The following ZNF469 variants were observed in gnomAD, a reference collection of about 807,000 sequenced individuals.
The protein encoded by ZNF469 is zinc finger protein 469.
ZNF469 carries 1 observed loss-of-function variant against 1.0 expected under a neutral mutation model. The observed-to-expected ratio is 1.00, with a 90% confidence interval of 0.35 to 4.73. The LOEUF is 4.73. ZNF469 is among the 30% of genes most tolerant of loss of function. ZNF469 has a pLI of 0.16. For synonymous variants in ZNF469, 2,703 were observed against 2,363.4 expected (o/e 1.14, Z -4.17); for missense variants, 6,100 against 5,356.3 (o/e 1.14, Z -4.33).
chr16:88,271,429 G>A, the ZNF469 span, among the ~76,000 whole-genome samples: 1 of 136,200 alleles, frequency 7.3e-6, no homozygotes, highest in South Asian at 2.3e-4. Context: ...GGCATGAAGT[G>A]TGGGGAGCCG....
the ZNF469 span, among the ~76,000 whole-genome samples, chr16:88,193,207 GGGA>G: frequency 1.6e-5 from 1 of 61,728 alleles, no homozygotes; most frequent in Admixed American, 1.5e-4. Context: ...GATGGTGGTG[GGGA>G]TGGTGGTGAT....
the ZNF469 span, among the ~76,000 whole-genome samples, chr16:88,295,809 C>A: frequency 2.0e-5 from 3 of 152,168 alleles, no homozygotes; most frequent in Non-Finnish European, 4.4e-5. Context: ...TGAAGATGTG[C>A]TGGGAACACC....
At chr16:88,222,108 G>A in the ZNF469 span, among the ~76,000 whole-genome samples, 17 of 151,968 alleles carry the variant, frequency 1.1e-4, no homozygotes, top group African/African-American at 3.6e-4. Flanking sequence ...TTTCATCTTT[G>A]CCCTAGGCAC....
the ZNF469 span, among the ~76,000 whole-genome samples, chr16:88,149,508 T>C: frequency 2.0e-5 from 3 of 152,146 alleles, no homozygotes; most frequent in Non-Finnish European, 4.4e-5. Context: ...AACAACCCTT[T>C]CTGCTTCTCC....
the ZNF469 span, among the ~76,000 whole-genome samples, chr16:88,200,589 A>C: frequency 2.0e-5 from 3 of 152,240 alleles, no homozygotes; most frequent in Non-Finnish European, 4.4e-5. Flanking sequence ...GCTCCGCCTA[A>C]GCTGCTGCTT....
intron 1 of ZNF469, among the ~76,000 whole-genome samples, chr16:88,405,730 C>T (rs1202466290): frequency 2.0e-5 from 3 of 152,180 alleles, no homozygotes; most frequent in Non-Finnish European, 2.9e-5. Context: ...GCTCCCGGCA[C>T]TCCAAGCCGC....
chr16:88,246,838 G>GA, the ZNF469 span, among the ~76,000 whole-genome samples: 1 of 151,498 alleles, frequency 6.6e-6, no homozygotes, highest in African/African-American at 2.4e-5. Context: ...GTGAGTGAAT[G>GA]GTGAATGAGT....
the ZNF469 span, among the ~76,000 whole-genome samples, chr16:88,176,765 C>G: frequency 2.0e-5 from 3 of 152,220 alleles, no homozygotes; most frequent in Non-Finnish European, 4.4e-5. Context: ...CCACAACCCC[C>G]AACGCCCAGC....
chr16:88,184,787 C>T, the ZNF469 span, among the ~76,000 whole-genome samples: 1 of 152,240 alleles, frequency 6.6e-6, no homozygotes, highest in Non-Finnish European at 1.5e-5. Flanking sequence ...TTCCCTCAAC[C>T]TCGTCACGCT....
chr16:88,234,133 G>A, the ZNF469 span, among the ~76,000 whole-genome samples: 5 of 152,326 alleles, frequency 3.3e-5, no homozygotes, highest in South Asian at 4.1e-4. Context: ...TACAAAAGCC[G>A]CTGGGTCTCA....
chr16:88,284,610 C>CAAA, the ZNF469 span, among the ~76,000 whole-genome samples: 34 of 109,198 alleles, frequency 3.1e-4, no homozygotes, highest in South Asian at 1.8e-3. Context: ...GATCCCATCT[C>CAAA]AAAAAAAAAA....
At chr16:88,411,927 A>G (rs1905178370) in intron 1 of ZNF469, among the ~76,000 whole-genome samples, 1 of 1,318 alleles carries the variant, frequency 7.6e-4, no homozygotes, top group South Asian at 0.045. Context: ...CCTTCCCAGA[A>G]GAGACGAAAC....
Position 88,429,995 on chromosome 16 carries a change from G to A in ZNF469, c.2525G>A (p.Ser842Asn). The change falls in exon 3 of 3, where the codon AGC becomes AAC. Residue 842 changes from serine to asparagine, a missense_variant. Coordinates refer to ENST00000565624, the MANE Select transcript of ZNF469 (RefSeq NM_001367624.2). ...LDMEDDAKLD[S>N]LITEALNGME... The stretch of plus-strand genomic sequence containing the variant: ...ATGGAGGATGACGCCAAGCTGGACA[G>A]CCTCATCACAGAGGCGCTCAACGGC... The A allele has an allele frequency of 1.3e-6, 2 of 1,550,372 alleles. No individual in the cohort carries two copies. Among genetic ancestry groups the A allele is most frequent in the South Asian group, 1.2e-5 (1 of 84,068 alleles).
chr16:88,396,215 A>G (rs1904654010), intron 1 of ZNF469, among the ~76,000 whole-genome samples: 1 of 152,280 alleles, frequency 6.6e-6, no homozygotes, highest in Admixed American at 6.5e-5. Context: ...TGAAAGGTCC[A>G]TGGAATGATG....
the ZNF469 span, among the ~76,000 whole-genome samples, chr16:88,239,658 TTTTTTTTTG>T: frequency 1.0e-3 from 115 of 114,104 alleles, no homozygotes; most frequent in African/African-American, 3.7e-3. Flanking sequence ...CGGCTTATTT[TTTTTTTTTG>T]TATATATATA....
the ZNF469 span, among the ~76,000 whole-genome samples, chr16:88,213,723 G>A: frequency 6.6e-6 from 1 of 152,090 alleles, no homozygotes; most frequent in African/African-American, 2.4e-5. Context: ...GAGCTTTTCC[G>A]GGAGTCAGGG....
the ZNF469 span, among the ~76,000 whole-genome samples, chr16:88,327,404 G>T: frequency 1.3e-5 from 2 of 152,364 alleles, no homozygotes; most frequent in East Asian, 3.9e-4. Context: ...CCCTGGACGA[G>T]GTGGGCTGCA....
At position 88,437,342 on chromosome 16, in the gene ZNF469, C is replaced by G; in HGVS notation, c.9872C>G (p.Ala3291Gly). 6.5e-7 allele frequency: 1 copy of G among 1,545,194 alleles called. No individual in the cohort carries two copies. ...NPDGAATPDS[A>G]SATALADAGS... ...GACGGGGCCGCGACCCCAGACAGCGCCTCTGCCACCGCCCTGGCTGACGCC... is the reference window on the plus strand; with the variant it reads ...GACGGGGCCGCGACCCCAGACAGCGGCTCTGCCACCGCCCTGGCTGACGCC... Residue 3291 changes from alanine to glycine, a missense_variant, in exon 3 of 3, where the codon GCC (alanine) becomes GGC (glycine). By Grantham distance (60) the Ala-to-Gly change is moderately conservative. Coordinates refer to ENST00000565624, the MANE Select transcript of ZNF469 (RefSeq NM_001367624.2).
Position 88,428,081 on chromosome 16 carries a change from G to A in ZNF469, c.611G>A (p.Arg204Lys). 6.5e-7 allele frequency: 1 copy of A among 1,549,756 alleles called. No individual in the cohort carries two copies. Among genetic ancestry groups the A allele is most frequent in the Non-Finnish European group, 8.7e-7 (1 of 1,146,782 alleles). The change falls in exon 3 of 3, where the codon AGG becomes AAG. Residue 204 changes from arginine to lysine, a missense_variant. Arg to Lys is a conservative substitution (Grantham distance 26). Coordinates refer to ENST00000565624, the MANE Select transcript of ZNF469 (RefSeq NM_001367624.2). ...TNYTSPSATP[R>K]PPAPGPPQSR... ...TATACCTCACCAAGCGCCACCCCCA[G>A]GCCCCCAGCCCCGGGGCCCCCCCAG...
Sources: gnomAD v4.1 joint callset for allele counts (sites outside exome capture counted in the v4.1 genomes callset) on GRCh38, gnomAD v4.1.1 for gene constraint, MANE v1.5 for transcripts, NCBI Gene and HGNC (gene_info 2026-07-23, HGNC 2026-07-21) for gene names.